ASIC2: variants seen among roughly 807,000 people sequenced by gnomAD.
ASIC2 encodes acid-sensing ion channel 2.
In ASIC2, 25 loss-of-function variants were observed where a neutral mutation model predicts 57.3. That is an observed-to-expected ratio of 0.44 (90% CI 0.32 to 0.61). The LOEUF (loss-of-function observed/expected upper bound fraction) is 0.61, where lower values mean the gene tolerates loss of function less well. Among genes scored for constraint, ASIC2 ranks in the 20% least tolerant of loss-of-function variants. ASIC2 has a pLI of 0.06. For missense variants in ASIC2, 641 were observed against 738.1 expected (o/e 0.87, Z 1.52); for synonymous variants, 319 against 307.5 (o/e 1.04, Z -0.39).
At chr17:33,328,680 T>C (rs1448255741) in intron 1 of ASIC2, among the ~76,000 whole-genome samples, 1 of 152,180 alleles carries the variant, frequency 6.6e-6, no homozygotes, top group Non-Finnish European at 1.5e-5. Context: ...CCACTCTCTT[T>C]TGCTTCCTGT....
rs544111323 is a variant in ASIC2, at chr17:33,747,510, A to T, written c.555+408468T>A. On this transcript the variant is annotated intron_variant, in intron 1 of 9. Transcript: ENST00000359872. ...AGTGCTGGGATGGCAGGCGTACTCC[A>T]TTGTGCCTGGCCATCCTTCCCACAC... Among the ~76,000 whole-genome samples the T allele has an allele frequency of 6.6e-5, 10 of 152,188 alleles. No homozygotes were observed. In the East Asian group the frequency reaches 1.9e-3, roughly 29 times the overall value.
chr17:33,546,672 C>T (rs1915588192), intron 1 of ASIC2, among the ~76,000 whole-genome samples: 1 of 152,196 alleles, frequency 6.6e-6, no homozygotes, highest in African/African-American at 2.4e-5. Flanking sequence ...CAAGTGCCTT[C>T]CTGAGTCCTC....
In ASIC2 at chr17:33,685,313, A is replaced by G. The variant is rs765153692; in HGVS notation, c.555+470665T>C. Among the ~76,000 whole-genome samples, 7 of 152,188 alleles carry G rather than the reference A, an allele frequency of 4.6e-5. No individual in the cohort carries two copies. The South Asian group carries it at 1.2e-3, about 27-fold the overall frequency. On this transcript the variant is annotated intron_variant, in intron 1 of 9. Transcript: ENST00000359872. Reference sequence around the variant, plus strand: ...GCTCCCACACCCAGCGTGAAGATGAATGGCTTCTCTCCAGGCCACCTCGCG... The same window carrying G: ...GCTCCCACACCCAGCGTGAAGATGAGTGGCTTCTCTCCAGGCCACCTCGCG...
At chr17:33,890,395 T>TGG (rs1914933687) in intron 1 of ASIC2, among the ~76,000 whole-genome samples, 2 of 152,256 alleles carry the variant, frequency 1.3e-5, no homozygotes, top group East Asian at 3.8e-4. Context: ...TGTCTTCTAT[T>TGG]GCAGCTGCAT....
At chr17:33,594,721 G>A (rs533662839) in intron 1 of ASIC2, among the ~76,000 whole-genome samples, 76 of 152,082 alleles carry the variant, frequency 5.0e-4, no homozygotes, top group South Asian at 2.3e-3. Flanking sequence ...CCAGCTACTC[G>A]GGAGGCCGAG....
At chr17:33,031,520 A>G (rs2091883563) in intron 3 of ASIC2, among the ~76,000 whole-genome samples, 1 of 152,164 alleles carries the variant, frequency 6.6e-6, no homozygotes, top group Admixed American at 6.5e-5. Flanking sequence ...AAAATAAATC[A>G]ATGTTCGATT....
chr17:33,151,447 C>T (rs1904795984), intron 1 of ASIC2, among the ~76,000 whole-genome samples: 1 of 96,742 alleles, frequency 1.0e-5, no homozygotes, highest in Admixed American at 8.4e-5. Flanking sequence ...CCTACGTGAC[C>T]TTAGAAAGTT....
intron 1 of ASIC2, among the ~76,000 whole-genome samples, chr17:33,140,663 C>A (rs901172110): frequency 2.6e-5 from 4 of 152,202 alleles, no homozygotes; most frequent in Non-Finnish European, 5.9e-5. Context: ...TGGACTGAAA[C>A]CCACAGGGGA....
intron 1 of ASIC2, among the ~76,000 whole-genome samples, chr17:33,152,621 A>G (rs1904845462): frequency 6.6e-6 from 1 of 152,174 alleles, no homozygotes; most frequent in African/African-American, 2.4e-5. Context: ...AGGCTGGCAC[A>G]TGGAACATGG....
intron 1 of ASIC2, among the ~76,000 whole-genome samples, chr17:33,850,787 A>T (rs1437421169): frequency 6.6e-6 from 1 of 151,708 alleles, no homozygotes; most frequent in African/African-American, 2.4e-5. Context: ...GATGAATTTG[A>T]GTTCCCTGTT....
At position 33,700,803 on chromosome 17, in the gene ASIC2, C is replaced by T. The variant is rs78695546; in HGVS notation, c.555+455175G>A. ...AGGCTGAGGAGCATATGACCAGAAC[C>T]GGAGAGATGGGAGGGTCCATGGATG... is the stretch of plus-strand genomic sequence containing the variant. On this transcript the variant is annotated intron_variant, in intron 1 of 9. Transcript: ENST00000359872. 5.4e-3 allele frequency among the ~76,000 whole-genome samples: 816 copies of T among 152,204 alleles called. 6 individuals carry two copies. Among genetic ancestry groups the T allele is most frequent in the African/African-American group, 0.019 (770 of 41,510 alleles).
chr17:33,175,568 G>A (rs903697931), intron 1 of ASIC2, among the ~76,000 whole-genome samples: 1 of 151,672 alleles, frequency 6.6e-6, no homozygotes, highest in Non-Finnish European at 1.5e-5. Context: ...TGCGGCGCTT[G>A]TGGCAGATTG....
intron 1 of ASIC2, among the ~76,000 whole-genome samples, chr17:34,103,675 G>A (rs993091868): frequency 6.6e-6 from 1 of 151,876 alleles, no homozygotes; most frequent in Non-Finnish European, 1.5e-5. Flanking sequence ...TTTTTGCACA[G>A]ATATCCTGTT....
At chr17:33,994,370 C>T (rs796899029) in intron 1 of ASIC2, among the ~76,000 whole-genome samples, 6 of 152,236 alleles carry the variant, frequency 3.9e-5, no homozygotes, top group African/African-American at 9.6e-5. Context: ...ATGAGGAACA[C>T]GGCACGGTGT....
At chr17:33,559,496 A>G (rs140261395) in intron 1 of ASIC2, among the ~76,000 whole-genome samples, 115 of 152,228 alleles carry the variant, frequency 7.6e-4, no homozygotes, top group African/African-American at 2.7e-3. Flanking sequence ...CTTTTTTTTC[A>G]AAGGTCGTGG....
intron 1 of ASIC2, among the ~76,000 whole-genome samples, chr17:33,708,713 C>T (rs573150670): frequency 2.1e-4 from 32 of 152,282 alleles, no homozygotes; most frequent in African/African-American, 7.5e-4. Context: ...TCCAACGTCA[C>T]CACTCTGCAC....
chr17:33,098,460 A>G (rs2092193434), intron 2 of ASIC2, among the ~76,000 whole-genome samples: 1 of 152,192 alleles, frequency 6.6e-6, no homozygotes, highest in Admixed American at 6.5e-5. Context: ...TGATATTTTG[A>G]AGCTAGGCAA....
intron 1 of ASIC2, among the ~76,000 whole-genome samples, chr17:33,731,125 A>C (rs1270388553): frequency 1.3e-5 from 2 of 152,238 alleles, no homozygotes; most frequent in African/African-American, 4.8e-5. Flanking sequence ...GCATGAGGGC[A>C]CAGGCACCCT....
intron 1 of ASIC2, among the ~76,000 whole-genome samples, chr17:33,137,318 T>A (rs543250180): frequency 4.3e-4 from 65 of 152,348 alleles, no homozygotes; most frequent in African/African-American, 1.4e-3. Flanking sequence ...ATTATGCCAA[T>A]GTGCATTGTG....
Sources: allele counts gnomAD v4.1 joint callset (sites outside exome capture counted in the v4.1 genomes callset), GRCh38; gene constraint gnomAD v4.1.1; transcripts MANE v1.5; gene names NCBI Gene and HGNC (gene_info 2026-07-23, HGNC 2026-07-21).